The following ELP3 variants were observed in gnomAD, a reference collection of about 807,000 sequenced individuals.
ELP3 encodes the protein elongator complex protein 3.
In ELP3, 56 loss-of-function variants were observed where a neutral mutation model predicts 74.9. The ratio of observed to expected loss-of-function variants is 0.75; its 90% CI spans 0.60 to 0.93. The LOEUF is 0.93. Ranked by LOEUF, ELP3 falls within the 40% of genes least tolerant of loss-of-function variation. The probability of loss-of-function intolerance (pLI) is 0.00; values close to 1 mark genes in which losing one functional copy is unlikely to be tolerated. For missense variants in ELP3, 573 were observed against 686.5 expected (o/e 0.83, Z 1.85); for synonymous variants, 222 against 239.8 (o/e 0.93, Z 0.68).
intron 14 of ELP3, among the ~76,000 whole-genome samples, chr8:28,171,852 G>A (rs972664019): frequency 1.3e-5 from 2 of 152,116 alleles, no homozygotes; most frequent in African/African-American, 4.8e-5. Flanking sequence ...TAAGGTAAGA[G>A]TCTAATTTAA....
chr8:28,103,144 TG>T (rs1268221367), intron 3 of ELP3, among the ~76,000 whole-genome samples: 1 of 152,094 alleles, frequency 6.6e-6, no homozygotes, highest in African/African-American at 2.4e-5. Context: ...CACTCCAGCC[TG>T]GGTGACAGAG....
intron 14 of ELP3, among the ~76,000 whole-genome samples, chr8:28,168,013 G>T (rs1404473325): frequency 6.6e-6 from 1 of 152,144 alleles, no homozygotes; most frequent in Non-Finnish European, 1.5e-5. Context: ...TTGCTTATTG[G>T]TGTCTGTTGT....
At chr8:28,144,199 A>G (rs1813347018) in intron 10 of ELP3, among the ~76,000 whole-genome samples, 1 of 152,202 alleles carries the variant, frequency 6.6e-6, no homozygotes, top group Admixed American at 6.5e-5. Flanking sequence ...CTCTCACCCA[A>G]ACGAATAGGA....
At chr8:28,093,043 C>A, upstream of ELP3, 1 of 1,093,500 alleles carries the variant, frequency 9.1e-7, no homozygotes, top group Non-Finnish European at 1.4e-6. Context: ...CTGTTAGTTG[C>A]AACACGGGGC....
Position 28,106,786 on chromosome 8 carries a change from A to G in ELP3, c.329+3A>G. 6.2e-7 allele frequency: 1 copy of G among 1,610,244 alleles called. No individual in the cohort carries two copies. Among genetic ancestry groups the G allele is most frequent in the Non-Finnish European group, 8.5e-7 (1 of 1,177,970 alleles). ...AGTTTTACAGGAAATATATGTGTGT[A>G]AGTATGGTGATTTTATTAAATTGTA... On this transcript the variant is annotated splice_donor_region_variant and intron_variant, in intron 4 of 14. Transcript: ENST00000256398.
intron 7 of ELP3, 84 bp from the exon 8 acceptor site, chr8:28,129,415 TAGG>T (rs1812705661): frequency 7.2e-7 from 1 of 1,383,712 alleles, no homozygotes; most frequent in Non-Finnish European, 1.0e-6. Context: ...TATCTCATAC[TAGG>T]AGGACAGAGA....
upstream of ELP3, chr8:28,092,951 C>T: frequency 4.9e-6 from 3 of 614,440 alleles, no homozygotes; most frequent in Non-Finnish European, 5.8e-6. Flanking sequence ...CAAGATGCCA[C>T]TCCGTTCAGA....
upstream of ELP3, among the ~76,000 whole-genome samples, chr8:28,091,878 C>T (rs924643839): frequency 1.3e-5 from 2 of 152,074 alleles, no homozygotes; most frequent in African/African-American, 2.4e-5. Context: ...AAAGAGCAGA[C>T]AGAAGGGGAA....
At chr8:28,125,742 G>A (rs903659185) in intron 7 of ELP3, among the ~76,000 whole-genome samples, 6 of 102,076 alleles carry the variant, frequency 5.9e-5, no homozygotes, top group Non-Finnish European at 1.3e-4. Flanking sequence ...CTAGCTTTTT[G>A]TTCTGTAGTC....
chr8:28,102,500 A>G (rs1359818086), intron 3 of ELP3, among the ~76,000 whole-genome samples: 1 of 152,174 alleles, frequency 6.6e-6, no homozygotes, highest in Non-Finnish European at 1.5e-5. Flanking sequence ...AGAGTGATCT[A>G]TTGAAAGTAT....
intron 7 of ELP3, among the ~76,000 whole-genome samples, chr8:28,114,676 C>T (rs975990773): frequency 1.3e-5 from 2 of 152,192 alleles, no homozygotes; most frequent in African/African-American, 2.4e-5. Flanking sequence ...CACATTTCAA[C>T]ATAAGATGTG....
intron 10 of ELP3, among the ~76,000 whole-genome samples, chr8:28,148,554 A>G (rs915391147): frequency 1.3e-5 from 2 of 152,216 alleles, no homozygotes; most frequent in African/African-American, 2.4e-5. Context: ...ACCATTAAGT[A>G]TGGTGTTAGC....
Position 28,113,032 on chromosome 8 carries a change from GTC to G in ELP3, c.477_478del (p.His160Ter). The G allele has an allele frequency of 6.2e-7, 1 of 1,613,252 alleles. No individual in the cohort carries two copies. On this transcript the variant is annotated frameshift_variant, in exon 7 of 15. Transcript: ENST00000256398. LOFTEE classifies it high-confidence loss of function. The stretch of plus-strand genomic sequence containing the variant: ...TTTGTCTTTCAGTTAAAACAACTTG[GTC>G]ATAGTGTGGATAAAGTGGAGTTTAT...
At chr8:28,145,709 C>T (rs1192355401) in intron 10 of ELP3, among the ~76,000 whole-genome samples, 1 of 152,172 alleles carries the variant, frequency 6.6e-6, no homozygotes. Flanking sequence ...CTGCAACCTC[C>T]GCCTCACAGG....
At chr8:28,163,900 A>G (rs1814204437) in intron 14 of ELP3, among the ~76,000 whole-genome samples, 1 of 152,214 alleles carries the variant, frequency 6.6e-6, no homozygotes, top group African/African-American at 2.4e-5. Context: ...CTGTGCTCCC[A>G]GGTGATACCA....
At chr8:28,134,821 T>G (rs1812918876) in intron 9 of ELP3, among the ~76,000 whole-genome samples, 1 of 152,238 alleles carries the variant, frequency 6.6e-6, no homozygotes, top group Non-Finnish European at 1.5e-5. Flanking sequence ...CTGTATGCAT[T>G]GCCTCTGTTT....
rs780692895 is a variant in ELP3 at position 28,189,717 on chromosome 8, C to G, written c.1636C>G (p.Leu546Val). The change falls in exon 15 of 15, where the codon CTG becomes GTG. Residue 546 changes from leucine (L) to valine (V), a missense_variant. Transcript: ENST00000256398. ...RLQGPYMVKM[L>V]K The stretch of plus-strand genomic sequence containing the variant: ...ACAAGGCCCGTACATGGTGAAGATG[C>G]TGAAATAATGGCCACACCAGTCCAC... The G allele has an allele frequency of 3.1e-6, 5 of 1,613,970 alleles. No homozygotes were observed. Among genetic ancestry groups the G allele is most frequent in the Non-Finnish European group, 4.2e-6 (5 of 1,179,858 alleles).
intron 3 of ELP3, among the ~76,000 whole-genome samples, chr8:28,103,596 A>G (rs554474825): frequency 8.5e-5 from 13 of 152,344 alleles, no homozygotes; most frequent in African/African-American, 3.1e-4. Context: ...TAGTAAGACT[A>G]TGTTTCACTT....
intron 8 of ELP3, 55 bp downstream of exon 8, chr8:28,129,718 T>C: frequency 6.2e-7 from 1 of 1,600,548 alleles, no homozygotes; most frequent in East Asian, 2.2e-5. Context: ...CACCATTTTC[T>C]CTACATTCAT....
Sources: allele counts gnomAD v4.1 joint callset (sites outside exome capture counted in the v4.1 genomes callset), GRCh38; gene constraint gnomAD v4.1.1; transcripts MANE v1.5; gene names NCBI Gene and HGNC (gene_info 2026-07-23, HGNC 2026-07-21).